Variants in DHX40 observed in about 807,000 individuals in gnomAD.
The protein encoded by DHX40 is DEAH-box helicase 40, also known as probable ATP-dependent RNA helicase DHX40.
In DHX40, 28 loss-of-function variants were observed where a neutral mutation model predicts 89.6. The ratio of observed to expected loss-of-function variants is 0.31; its 90% CI spans 0.23 to 0.43. DHX40 has a LOEUF of 0.43. Among genes scored for constraint, DHX40 ranks in the 20% least tolerant of loss-of-function variants. DHX40 has a pLI of 1.00. For synonymous variants in DHX40, 226 were observed against 283.6 expected (o/e 0.80, Z 2.04); for missense variants, 457 against 844.0 (o/e 0.54, Z 5.68).
chr17:59,596,410 A>G (rs529730825), intron 12 of DHX40, among the ~76,000 whole-genome samples: 1 of 152,294 alleles, frequency 6.6e-6, no homozygotes, highest in African/African-American at 2.4e-5. Flanking sequence ...CTACTAAAAA[A>G]TGTAAAAATT....
chr17:59,573,019 C>T (rs1376827925), intron 3 of DHX40, 97 bp from the exon 4 acceptor site: 2 of 1,369,598 alleles, frequency 1.5e-6, no homozygotes, highest in Non-Finnish European at 9.9e-7. Flanking sequence ...TTTGTTTAGT[C>T]AGAGTGGTTT....
chr17:59,565,894 G>T, intron 1 of DHX40, 111 bp downstream of exon 1: 7 of 933,642 alleles, frequency 7.5e-6, no homozygotes, highest in Non-Finnish European at 1.0e-5. Context: ...AGGAAGCCGT[G>T]GCGTTCTCCT....
chr17:59,607,599 G>T lies in DHX40; in HGVS notation c.*427G>T. The T allele has an allele frequency of 6.4e-6, 2 of 312,716 alleles. No homozygotes were observed. Among genetic ancestry groups the T allele is most frequent in the East Asian group, 5.8e-5 (1 of 17,280 alleles). 19.4% of individuals were successfully genotyped at this position (312,716 alleles called of 1,614,324 possible). ...GCCTTCTTGTTGCTGTTAGAATAGT[G>T]CTATATATCAGGTATGTGACCATTT... is the stretch of plus-strand genomic sequence containing the variant. On this transcript the variant is annotated 3_prime_UTR_variant, in exon 18 of 18. Coordinates refer to ENST00000251241, the MANE Select transcript of DHX40 (RefSeq NM_024612.5).
intron 2 of DHX40, among the ~76,000 whole-genome samples, chr17:59,568,952 T>G (rs2048747521): frequency 6.6e-6 from 1 of 152,014 alleles, no homozygotes; most frequent in African/African-American, 2.4e-5. Flanking sequence ...TCCTCCTACC[T>G]CAACCTTCTG....
chr17:59,566,342 T>C (rs1314939316), intron 1 of DHX40, among the ~76,000 whole-genome samples: 1 of 152,256 alleles, frequency 6.6e-6, no homozygotes, highest in Non-Finnish European at 1.5e-5. Flanking sequence ...AGTATGCATG[T>C]GTATACGTTG....
Position 59,607,451 on chromosome 17 carries a change from G to C in DHX40, c.*279G>C. 1 of 605,458 alleles carries C rather than the reference G, an allele frequency of 1.7e-6. No homozygotes were observed. The highest frequency in any genetic ancestry group is 2.9e-6 in the Non-Finnish European group (1 of 346,580). 37.5% of individuals were successfully genotyped at this position (605,458 alleles called of 1,614,324 possible). ...TATTTTCCTCAGTACAATTTTGCTG[G>C]CCTTAACTGGTATCAAACGCTGTCA... On this transcript the variant is annotated 3_prime_UTR_variant, in exon 18 of 18. Coordinates refer to ENST00000251241, the MANE Select transcript of DHX40 (RefSeq NM_024612.5).
intron 11 of DHX40, among the ~76,000 whole-genome samples, chr17:59,586,686 G>T (rs906529462): frequency 6.6e-6 from 1 of 150,496 alleles, no homozygotes; most frequent in African/African-American, 2.4e-5. Context: ...AAAGGAGAAA[G>T]AAACTGCACG....
rs373751121 is a variant in DHX40 at position 59,583,290 on chromosome 17, T to C, written c.1344-2863T>C. ...AGACTAGATGAAGTTTTTACTGGTA[T>C]TGTGCTGAACTTAGTTTTTTCTTGA... is the stretch of plus-strand genomic sequence containing the variant. On this transcript the variant is annotated intron_variant, in intron 10 of 17. Coordinates refer to ENST00000251241, the MANE Select transcript of DHX40 (RefSeq NM_024612.5). Among the ~76,000 whole-genome samples, 9 of 17,220 alleles carry C rather than the reference T, an allele frequency of 5.2e-4. No individual in the cohort carries two copies. In the East Asian group the frequency reaches 0.011, roughly 21 times the overall value. 11.3% of individuals were successfully genotyped at this position (17,220 alleles called of 152,430 possible).
chr17:59,601,324 AAAC>A (rs1296589152), intron 14 of DHX40, among the ~76,000 whole-genome samples: 1 of 151,902 alleles, frequency 6.6e-6, no homozygotes, highest in African/African-American at 2.4e-5. Flanking sequence ...AAAAACAAAA[AAAC>A]CTACCCATTA....
chr17:59,599,019 C>T (rs1400185500), intron 13 of DHX40, among the ~76,000 whole-genome samples, 168 bp downstream of exon 13: 2 of 152,134 alleles, frequency 1.3e-5, no homozygotes, highest in Non-Finnish European at 2.9e-5. Context: ...GCTTAGTAGG[C>T]ATTTATTATA....
chr17:59,597,828 G>C (rs945056174), intron 12 of DHX40, among the ~76,000 whole-genome samples: 25 of 150,516 alleles, frequency 1.7e-4, no homozygotes, highest in African/African-American at 6.1e-4. Flanking sequence ...CCAGCTACTC[G>C]GGAGGCTGAG....
intron 6 of DHX40, among the ~76,000 whole-genome samples, chr17:59,574,971 T>C (rs1445975209): frequency 1.3e-5 from 2 of 152,224 alleles, no homozygotes; most frequent in African/African-American, 4.8e-5. Flanking sequence ...AAGTGAGGGA[T>C]TGTCACAATC....
intron 12 of DHX40, among the ~76,000 whole-genome samples, chr17:59,597,914 G>C (rs1307098740): frequency 7.1e-6 from 1 of 141,134 alleles, no homozygotes; most frequent in Non-Finnish European, 1.5e-5. Context: ...CAGTCTGGGC[G>C]ATAGAGCGAG....
rs762935870 is a variant in DHX40 at position 59,565,740 on chromosome 17, C to T, written c.69C>T (p.Asp23=). The change falls in exon 1 of 18, where the codon GAC becomes GAT. Residue 23 remains aspartate (D), a synonymous_variant. Transcript: ENST00000251241. The stretch of plus-strand genomic sequence containing the variant: ...AGGAGGAGGGTGAGCGGTCAAGAGA[C>T]CTCCAGGAAGAGCGGCTCTCGGCTG... The part of the protein sequence containing the change: ...RRQEEGERSR[D]LQEERLSAVC... 2 of 1,605,288 alleles carry T rather than the reference C, an allele frequency of 1.2e-6. No individual in the cohort carries two copies. Among genetic ancestry groups the T allele is most frequent in the Admixed American group, 1.7e-5 (1 of 59,968 alleles).
intron 10 of DHX40, 109 bp from the exon 11 acceptor site, chr17:59,586,044 A>C: frequency 2.6e-6 from 2 of 774,782 alleles, no homozygotes; most frequent in Non-Finnish European, 4.2e-6. Context: ...AAAGAAGATG[A>C]CTTGAAAAAT....
chr17:59,603,848 A>C (rs995127342), intron 15 of DHX40: 1 of 152,210 alleles, frequency 6.6e-6, no homozygotes, highest in Non-Finnish European at 1.5e-5. Flanking sequence ...AGAAAAACAC[A>C]GCATTATGTC....
chr17:59,570,246 T>C (rs948750248), intron 2 of DHX40, among the ~76,000 whole-genome samples: 5 of 130,268 alleles, frequency 3.8e-5, no homozygotes, highest in African/African-American at 1.5e-4. Context: ...ATAATATATA[T>C]AATATATAAA....
chr17:59,602,066 A>G (rs1292461359), intron 14 of DHX40, among the ~76,000 whole-genome samples: 1 of 152,150 alleles, frequency 6.6e-6, no homozygotes, highest in African/African-American at 2.4e-5. Flanking sequence ...ACTCAGCTCA[A>G]CACTTGAGGA....
intron 14 of DHX40, among the ~76,000 whole-genome samples, chr17:59,602,297 T>C (rs2030579916): frequency 1.3e-5 from 2 of 152,238 alleles, no homozygotes; most frequent in Non-Finnish European, 2.9e-5. Context: ...GTACTGCGTT[T>C]ATTTCCTGTC....
Sources: gnomAD v4.1 joint callset for allele counts (sites outside exome capture counted in the v4.1 genomes callset) on GRCh38, gnomAD v4.1.1 for gene constraint, MANE v1.5 for transcripts, NCBI Gene and HGNC (gene_info 2026-07-23, HGNC 2026-07-21) for gene names.